Variants in PPL observed in about 807,000 individuals in gnomAD.
The protein encoded by PPL is 190 kDa paraneoplastic pemphigus antigen.
In PPL, 198 loss-of-function variants were observed where a neutral mutation model predicts 194.4. The ratio of observed to expected loss-of-function variants is 1.02; its 90% confidence interval spans 0.91 to 1.15. PPL has a LOEUF of 1.15. Ranked by LOEUF, PPL falls within the 50% of genes most tolerant of loss-of-function variation. The probability of loss-of-function intolerance (pLI) is 0.00; values close to 1 mark genes in which losing one functional copy is unlikely to be tolerated. For synonymous variants in PPL, 1,220 were observed against 972.4 expected (o/e 1.25, Z -4.74); for missense variants, 2,885 against 2,294.8 (o/e 1.26, Z -5.25).
At chr16:4,892,353 C>G in intron 14 of PPL, 140 bp from the exon 15 acceptor site, 9 of 965,348 alleles carry the variant, frequency 9.3e-6, no homozygotes, top group Non-Finnish European at 1.3e-5. Context: ...GGGGCTCTGA[C>G]CCGGCATCTG....
chr16:4,896,580 G>A (rs1013607424), intron 9 of PPL, among the ~76,000 whole-genome samples: 1 of 151,962 alleles, frequency 6.6e-6, no homozygotes, highest in Non-Finnish European at 1.5e-5. Context: ...GAAGACCAAA[G>A]GTGACCTGGG....
chr16:4,892,970 G>A (rs2088348002), intron 14 of PPL: 1 of 465,172 alleles, frequency 2.1e-6, no homozygotes, highest in South Asian at 4.7e-5. Flanking sequence ...GCCATGCCAG[G>A]CGTCAGATCG....
Position 4,892,090 on chromosome 16 carries a change from C to T in PPL, c.1774G>A (p.Asp592Asn), listed in dbSNP as rs1314909854. Residue 592 changes from aspartate (D) to asparagine (N), a missense_variant, in exon 15 of 22, where the codon GAC (aspartate) becomes AAC (asparagine). Coordinates refer to ENST00000345988, the MANE Select transcript of PPL (RefSeq NM_002705.5). Reference protein sequence around the residue: ...TTPLLRTRVEDTNRKYEHLLQ... With the variant: ...TTPLLRTRVENTNRKYEHLLQ... ...AGGTGCTCGTATTTCCGGTTGGTGT[C>T]CTCCACCCGGGTCCTCAGCAGGGGT... is the stretch of plus-strand genomic sequence containing the variant. 8 of 1,613,844 alleles carry T rather than the reference C, an allele frequency of 5.0e-6. No homozygotes were observed. The highest frequency in any genetic ancestry group is 6.8e-6 in the Non-Finnish European group (8 of 1,180,014).
rs752635633 is a variant in PPL at position 4,937,079 on chromosome 16, CGGGCCGGGCGCGCACCGA to C, written c.-52_-35del. 5 of 1,303,656 alleles carry C rather than the reference CGGGCCGGGCGCGCACCGA, an allele frequency of 3.8e-6. No homozygotes were observed. The highest frequency in any genetic ancestry group is 1.5e-5 in the African/African-American group (1 of 65,000). The allele number at this position is 1,303,656 out of a possible 1,614,324, so 80.8% of individuals were successfully genotyped here. ...TCGGGGTGCGGGCGGCGGCGGCTGG[CGGGCCGGGCGCGCACCGA>C]GGGGCGGGCGGGAGCGCAGGTGAGC... On this transcript the variant is annotated 5_prime_UTR_variant, in exon 1 of 22. Transcript: ENST00000345988.
intron 1 of PPL, 41 bp from the exon 2 acceptor site, chr16:4,910,990 T>G: frequency 6.5e-7 from 1 of 1,545,280 alleles, no homozygotes; most frequent in Non-Finnish European, 8.9e-7. Context: ...GGGTGCCTGG[T>G]GGGTGGGGGC....
intron 1 of PPL, among the ~76,000 whole-genome samples, chr16:4,930,324 A>T (rs2089211046): frequency 6.6e-6 from 1 of 152,100 alleles, no homozygotes; most frequent in African/African-American, 2.4e-5. Flanking sequence ...CTCTCTGCTC[A>T]CCGTCCTGCA....
intron 1 of PPL, 47 bp downstream of exon 1, chr16:4,936,937 C>A: frequency 6.4e-7 from 1 of 1,555,676 alleles, no homozygotes. Flanking sequence ...CCTGTGCGCC[C>A]ACAGGGGCAA....
At chr16:4,895,852 G>A (rs982175660) in intron 9 of PPL, 136 bp from the exon 10 acceptor site, 3 of 1,265,308 alleles carry the variant, frequency 2.4e-6, no homozygotes, top group Admixed American at 2.1e-5. Flanking sequence ...ACCCTGTGCT[G>A]AGCCTGAGGC....
chr16:4,930,264 C>T (rs2089210308), intron 1 of PPL, among the ~76,000 whole-genome samples: 1 of 152,306 alleles, frequency 6.6e-6, no homozygotes, highest in South Asian at 2.1e-4. Flanking sequence ...TCAGGGCCCT[C>T]CTTTATCTCA....
At chr16:4,908,592 C>T (rs1646282736) in intron 2 of PPL, among the ~76,000 whole-genome samples, 1 of 152,188 alleles carries the variant, frequency 6.6e-6, no homozygotes. Context: ...GGCTGGAGTG[C>T]AGTGGTGTCA....
Position 4,925,187 on chromosome 16 carries a change from G to A in PPL, c.62+11797C>T, listed in dbSNP as rs569243030. Among the ~76,000 whole-genome samples the A allele has an allele frequency of 2.6e-5, 4 of 152,244 alleles. No individual in the cohort carries two copies. The East Asian group carries it at 5.8e-4, about 22-fold the overall frequency. ...ACCTGTCCCAGAGCCCAGAGAAGGG[G>A]CTGGGCCTCCTGCCACCACGGTCAT... On this transcript the variant is annotated intron_variant, in intron 1 of 21. Coordinates refer to ENST00000345988, the MANE Select transcript of PPL (RefSeq NM_002705.5).
At position 4,891,933 on chromosome 16, in the gene PPL, G is replaced by A. The variant is rs367594674; in HGVS notation, c.1846C>T (p.Arg616Cys). Residue 616 changes from arginine to cysteine, a missense_variant, in exon 16 of 22, where the codon CGC (arginine) becomes TGC (cysteine). Physicochemically the swap from Arg to Cys is radical, Grantham distance 180. Transcript: ENST00000345988. Reference sequence around the variant, plus strand: ...CTCTGCTGCAGGCTCTTCTCCAGGCGGTTGGCCACATCAACCCTGAGAGCA... The same window carrying A: ...CTCTGCTGCAGGCTCTTCTCCAGGCAGTTGGCCACATCAACCCTGAGAGCA... Reference protein sequence around the residue: ...LAQEKVDVANRLEKSLQQSWE... With the variant: ...LAQEKVDVANCLEKSLQQSWE... 86 of 1,612,966 alleles carry A rather than the reference G, an allele frequency of 5.3e-5. No individual in the cohort carries two copies. The highest frequency in any genetic ancestry group is 8.9e-5 in the East Asian group (4 of 44,896).
chr16:4,892,234 C>A, intron 14 of PPL, 21 bp from the exon 15 acceptor site: 1 of 1,598,734 alleles, frequency 6.3e-7, no homozygotes, highest in South Asian at 1.1e-5. Context: ...CAGGGCCCCT[C>A]AGTTTTGGAC....
intron 1 of PPL, among the ~76,000 whole-genome samples, chr16:4,930,856 T>G (rs2089217057): frequency 6.6e-6 from 1 of 152,306 alleles, no homozygotes; most frequent in Admixed American, 6.5e-5. Flanking sequence ...CATGTTGATG[T>G]GCAGGGCACC....
chr16:4,883,540 C>T lies in PPL; in HGVS notation c.5115G>A (p.Gly1705=). The change falls in exon 22 of 22, where the codon GGG becomes GGA. Residue 1705 remains glycine (G), a synonymous_variant. Transcript: ENST00000345988. The surrounding 1 kb of genome is among the most constrained non-coding windows in gnomAD (Gnocchi z 4.8). ...TCCTGTCGTGTATCACTGAGGACTC[C>T]CCATTGGGACCCTTCACTGAGATCT... ...WEEISVKGPN[G]ESSVIHDRKS... is the part of the protein sequence containing the mutation. The T allele has an allele frequency of 6.2e-7, 1 of 1,614,160 alleles. No homozygotes were observed. The highest frequency in any genetic ancestry group is 8.5e-7 in the Non-Finnish European group (1 of 1,180,010).
chr16:4,895,134 T>G, intron 11 of PPL, 127 bp downstream of exon 11: 3 of 1,222,624 alleles, frequency 2.5e-6, no homozygotes, highest in Non-Finnish European at 3.3e-6. Flanking sequence ...AGGGGAAGGG[T>G]TGGCAGAGTG....
chr16:4,890,518 T>C (rs1030999512), intron 17 of PPL, among the ~76,000 whole-genome samples, 184 bp from the exon 18 acceptor site: 7 of 152,102 alleles, frequency 4.6e-5, no homozygotes, highest in African/African-American at 1.7e-4. Flanking sequence ...GGTGGGTCCA[T>C]ATACATTGAC....
chr16:4,884,223 C>A lies in PPL; in HGVS notation c.4432G>T (p.Gly1478Trp). 2 of 1,613,796 alleles carry A rather than the reference C, an allele frequency of 1.2e-6. No individual in the cohort carries two copies. The highest frequency in any genetic ancestry group is 1.1e-5 in the South Asian group (1 of 91,080). The change falls in exon 22 of 22, where the codon GGG (glycine) becomes TGG (tryptophan). Residue 1478 changes from glycine to tryptophan, a missense_variant. Gly to Trp is a radical substitution (Grantham distance 184, BLOSUM62 -2). Coordinates refer to ENST00000345988, the MANE Select transcript of PPL (RefSeq NM_002705.5). The surrounding 1 kb of genome is among the most constrained non-coding windows in gnomAD (Gnocchi z 5.7). ...TTCCTCCGGAGGGTCTCGAGCTCCC[C>A]CTCCAGGAGCTGCCGCCGGTGCTGC... ...EEQHRRQLLE[G>W]ELETLRRKLA...
At position 4,935,917 on chromosome 16, in the gene PPL, G is replaced by A. The variant is rs538347003; in HGVS notation, c.62+1067C>T. On this transcript the variant is annotated intron_variant, in intron 1 of 21. Transcript: ENST00000345988. ...GACAGGAGAGCCATGTAATGTGCGG[G>A]CCCCTCACCTGCCTGAAGCCTCTTG... is the stretch of plus-strand genomic sequence containing the variant. 2.6e-5 allele frequency among the ~76,000 whole-genome samples: 4 copies of A among 152,272 alleles called. No individual in the cohort carries two copies. The South Asian group carries it at 8.3e-4, about 32-fold the overall frequency.
Sources: allele counts gnomAD v4.1 joint callset (sites outside exome capture counted in the v4.1 genomes callset), GRCh38; gene constraint gnomAD v4.1.1; non-coding constraint Gnocchi (gnomAD v3.1); transcripts MANE v1.5; gene names NCBI Gene and HGNC (gene_info 2026-07-23, HGNC 2026-07-21).